MYO3A: variants seen among roughly 807,000 people sequenced by gnomAD.
MYO3A encodes myosin-IIIa.
A neutral mutation model predicts 192.7 loss-of-function variants in MYO3A; 180 were observed. The ratio of observed to expected loss-of-function variants is 0.93; its 90% CI spans 0.83 to 1.06. MYO3A has a LOEUF of 1.06. MYO3A is among the 50% of genes least tolerant of loss of function. The probability of loss-of-function intolerance (pLI) is 0.00; values close to 1 mark genes in which losing one functional copy is unlikely to be tolerated. For missense variants in MYO3A, 1,896 were observed against 1,905.0 expected (o/e 1.00, Z 0.09); for synonymous variants, 628 against 645.3 (o/e 0.97, Z 0.41).
intron 10 of MYO3A, among the ~76,000 whole-genome samples, chr10:26,046,300 G>T (rs1467793899): frequency 6.6e-6 from 1 of 152,116 alleles, no homozygotes; most frequent in African/African-American, 2.4e-5. Flanking sequence ...GACACCTATT[G>T]GTCTATTGGT....
At chr10:26,183,296 C>T (rs964708491) in intron 31 of MYO3A, among the ~76,000 whole-genome samples, 4 of 152,116 alleles carry the variant, frequency 2.6e-5, no homozygotes, top group South Asian at 2.1e-4. Flanking sequence ...AGGCCGAGGC[C>T]GGCGGATCAC....
intron 10 of MYO3A, among the ~76,000 whole-genome samples, chr10:26,046,337 T>G (rs1029719056): frequency 2.6e-5 from 4 of 152,186 alleles, no homozygotes; most frequent in Non-Finnish European, 4.4e-5. Context: ...ATTGCTTGCT[T>G]GATGCATTGA....
chr10:26,034,656 C>A (rs1409931012), intron 10 of MYO3A, among the ~76,000 whole-genome samples: 1 of 151,604 alleles, frequency 6.6e-6, no homozygotes, highest in East Asian at 1.9e-4. Context: ...GATCTAGTCG[C>A]TAGTCTAGAA....
Position 26,212,147 on chromosome 10 carries a change from A to G in MYO3A, c.*184A>G. The G allele has an allele frequency of 1.1e-6, 1 of 885,888 alleles. No individual in the cohort carries two copies. Among genetic ancestry groups the G allele is most frequent in the Admixed American group, 3.0e-5 (1 of 32,998 alleles). The allele number at this position is 885,888 out of a possible 1,614,324, so 54.9% of individuals were successfully genotyped here. A position where few individuals can be genotyped will look rare whatever the true frequency, so the allele number is the denominator to read the frequency against. Reference sequence around the variant, plus strand: ...CGGCCTTCGTGCTCCGAAACAAGAGACCTGGGAGCCCTCGGGAAACCTCCC... The same window carrying G: ...CGGCCTTCGTGCTCCGAAACAAGAGGCCTGGGAGCCCTCGGGAAACCTCCC... On this transcript the variant is annotated 3_prime_UTR_variant, in exon 35 of 35. Transcript: ENST00000642920.
At chr10:26,153,448 C>T (rs920229693) in intron 23 of MYO3A, among the ~76,000 whole-genome samples, 2 of 152,084 alleles carry the variant, frequency 1.3e-5, no homozygotes, top group East Asian at 3.8e-4. Context: ...TGCTTATAAC[C>T]ACCTCATGCA....
At chr10:26,169,666 G>T (rs1841943174) in intron 28 of MYO3A, among the ~76,000 whole-genome samples, 1 of 152,120 alleles carries the variant, frequency 6.6e-6, no homozygotes. Context: ...ACATTCAAGA[G>T]ATTAACATTC....
chr10:26,032,369 C>T (rs1178848606), intron 10 of MYO3A, among the ~76,000 whole-genome samples: 1 of 152,230 alleles, frequency 6.6e-6, no homozygotes, highest in Non-Finnish European at 1.5e-5. Context: ...GTAATCCCAG[C>T]ACTTTGGGAG....
At chr10:26,141,909 GC>G (rs1840188931) in intron 20 of MYO3A, among the ~76,000 whole-genome samples, 2 of 151,932 alleles carry the variant, frequency 1.3e-5, no homozygotes, top group South Asian at 4.2e-4. Context: ...GCTTCATAAG[GC>G]CCCTACCATA....
intron 4 of MYO3A, among the ~76,000 whole-genome samples, chr10:25,989,499 A>C (rs1839876797): frequency 6.6e-6 from 1 of 152,084 alleles, no homozygotes; most frequent in Admixed American, 6.5e-5. Flanking sequence ...TATAACCTGA[A>C]AGAAGTTTTC....
intron 10 of MYO3A, 91 bp downstream of exon 10, chr10:26,026,623 A>C: frequency 6.8e-7 from 1 of 1,479,080 alleles, no homozygotes; most frequent in South Asian, 1.2e-5. Flanking sequence ...GGTGAATAAA[A>C]TTTGGAGGTA....
At chr10:26,181,479 C>T (rs1302494188) in intron 31 of MYO3A, among the ~76,000 whole-genome samples, 2 of 151,968 alleles carry the variant, frequency 1.3e-5, no homozygotes, top group African/African-American at 2.4e-5. Context: ...AACTGTTTAG[C>T]GTAGAAAGAG....
At position 26,173,945 on chromosome 10, in the gene MYO3A, A is replaced by G. The variant is rs761952422; in HGVS notation, c.3681A>G (p.Leu1227=). ...AAGACCTGGAAGAGAACAGCAATCT[A>G]AGGAAAGTGGAGAAAGAGGAAGCTA... ...SVKDLEENSN[L]RKVEKEEAMI... is the part of the protein sequence containing the mutation. Residue 1227 remains leucine, a synonymous_variant, in exon 30 of 35, where the codon CTA becomes CTG. Coordinates refer to ENST00000642920, the MANE Select transcript of MYO3A (RefSeq NM_017433.5). 7 of 1,609,778 alleles carry G rather than the reference A, an allele frequency of 4.3e-6. No homozygotes were observed. The highest frequency in any genetic ancestry group is 1.7e-5 in the Admixed American group (1 of 59,162).
chr10:25,941,960 T>C (rs1265173549), intron 2 of MYO3A, among the ~76,000 whole-genome samples: 1 of 152,066 alleles, frequency 6.6e-6, no homozygotes, highest in Non-Finnish European at 1.5e-5. Context: ...TTTTTAAGGC[T>C]GAATAATATT....
intron 10 of MYO3A, among the ~76,000 whole-genome samples, chr10:26,033,229 G>A (rs1464566718): frequency 5.9e-5 from 9 of 151,960 alleles, no homozygotes; most frequent in African/African-American, 2.2e-4. Context: ...GCCCGCCACT[G>A]TGCCCGGCTA....
At chr10:26,072,365 T>C (rs1221135324) in intron 14 of MYO3A, among the ~76,000 whole-genome samples, 1 of 152,136 alleles carries the variant, frequency 6.6e-6, no homozygotes. Context: ...ACTGAGATGA[T>C]GAGTATTGCC....
intron 4 of MYO3A, among the ~76,000 whole-genome samples, chr10:25,982,502 G>A (rs181208108): frequency 5.5e-4 from 83 of 152,150 alleles, no homozygotes; most frequent in African/African-American, 1.7e-3. Flanking sequence ...CACAAAACCA[G>A]TGCACTAAAC....
intron 30 of MYO3A, among the ~76,000 whole-genome samples, chr10:26,176,112 G>A (rs138373391): frequency 0.074 from 11,225 of 152,202 alleles, 462 homozygotes; most frequent in Non-Finnish European, 0.089. Flanking sequence ...GGCTAACGTG[G>A]TGAAACCCTG....
Position 26,170,409 on chromosome 10 carries a change from G to A in MYO3A, c.3275-7G>A, listed in dbSNP as rs1356482031. The A allele has an allele frequency of 3.7e-6, 6 of 1,612,842 alleles. No homozygotes were observed. The highest frequency in any genetic ancestry group is 4.2e-6 in the Non-Finnish European group (5 of 1,179,380). On this transcript the variant is annotated splice_polypyrimidine_tract_variant and splice_region_variant and intron_variant, in intron 28 of 34. Transcript: ENST00000642920. ...ATTAACACTACTATGGGCTTTCTGTGTTTCAGCTGCAAGAGGACACCTTGT... is the reference window on the plus strand; with the variant it reads ...ATTAACACTACTATGGGCTTTCTGTATTTCAGCTGCAAGAGGACACCTTGT...
chr10:26,096,254 C>G (rs1837023503), intron 15 of MYO3A, 127 bp from the exon 16 acceptor site: 5 of 698,494 alleles, frequency 7.2e-6, no homozygotes. Context: ...CACAGAAAGC[C>G]AAAATGCAGT....
Sources: gnomAD v4.1 joint callset for allele counts (sites outside exome capture counted in the v4.1 genomes callset) on GRCh38, gnomAD v4.1.1 for gene constraint, MANE v1.5 for transcripts, NCBI Gene and HGNC (gene_info 2026-07-23, HGNC 2026-07-21) for gene names.